Variants in FBXL17 observed in about 807,000 individuals in gnomAD.
FBXL17 encodes the protein F-box/LRR-repeat protein 17.
A neutral mutation model predicts 66.2 loss-of-function variants in FBXL17; 22 were observed. That is an observed-to-expected ratio of 0.33 (90% CI 0.24 to 0.47). FBXL17 has a LOEUF of 0.47. FBXL17 is among the 20% of genes least tolerant of loss of function. The pLI is 1.00. For synonymous variants in FBXL17, 474 were observed against 400.5 expected, an observed-to-expected ratio of 1.18 and a Z score of -2.19; for missense variants, 878 against 948.2, an observed-to-expected ratio of 0.93 and a Z score of 0.97.
At chr5:108,060,040 T>C (rs1368704336) in intron 6 of FBXL17, among the ~76,000 whole-genome samples, 1 of 150,600 alleles carries the variant, frequency 6.6e-6, no homozygotes, top group Non-Finnish European at 1.5e-5. Context: ...TATTTACATA[T>C]TCATTTACTG....
At chr5:108,197,269 T>A (rs1310274498) in intron 5 of FBXL17, among the ~76,000 whole-genome samples, 2 of 152,210 alleles carry the variant, frequency 1.3e-5, no homozygotes, top group African/African-American at 4.8e-5. Context: ...ATATTCACAC[T>A]GTTTCACTTA....
intron 5 of FBXL17, among the ~76,000 whole-genome samples, chr5:108,187,718 A>G (rs1580580802): frequency 1.3e-5 from 2 of 152,210 alleles, no homozygotes; most frequent in South Asian, 4.1e-4. Flanking sequence ...AAAAACCTGT[A>G]GGAGTGAGCA....
intron 7 of FBXL17, among the ~76,000 whole-genome samples, chr5:107,975,532 G>A (rs1463430118): frequency 2.0e-5 from 3 of 152,028 alleles, no homozygotes; most frequent in Non-Finnish European, 4.4e-5. Flanking sequence ...TAAAGATGTA[G>A]GTGAAATCTT....
At chr5:108,366,551 C>T (rs1046965296) in intron 2 of FBXL17, among the ~76,000 whole-genome samples, 6 of 151,620 alleles carry the variant, frequency 4.0e-5, no homozygotes, top group Middle Eastern at 3.4e-3. Context: ...CACCTTACTA[C>T]CAGTAGCGGG....
At chr5:108,125,019 C>A (rs542921419) in intron 6 of FBXL17, among the ~76,000 whole-genome samples, 1 of 151,966 alleles carries the variant, frequency 6.6e-6, no homozygotes, top group South Asian at 2.1e-4. Flanking sequence ...AATTATCTAA[C>A]TAGTTGTTCA....
At chr5:107,934,277 A>G (rs1277247667) in intron 7 of FBXL17, among the ~76,000 whole-genome samples, 1 of 152,180 alleles carries the variant, frequency 6.6e-6, no homozygotes, top group Non-Finnish European at 1.5e-5. Flanking sequence ...TGCACTGTGA[A>G]CTTCGAGAAC....
intron 1 of FBXL17, among the ~76,000 whole-genome samples, chr5:108,374,318 T>C (rs1749272160): frequency 6.6e-6 from 1 of 152,160 alleles, no homozygotes; most frequent in Admixed American, 6.5e-5. Flanking sequence ...TCTCAACAAA[T>C]TTGAAAATAT....
At chr5:108,265,286 G>GA (rs1008353093) in intron 4 of FBXL17, among the ~76,000 whole-genome samples, 25 of 150,192 alleles carry the variant, frequency 1.7e-4, no homozygotes, top group East Asian at 3.9e-4. Context: ...TAATCTTCAG[G>GA]AAAAAAAAAT....
intron 6 of FBXL17, among the ~76,000 whole-genome samples, chr5:108,021,384 C>A (rs563095178): frequency 7.8e-4 from 117 of 150,050 alleles, no homozygotes; most frequent in Non-Finnish European, 1.4e-3. Flanking sequence ...GTTATATGCT[C>A]ATGGTTCAAT....
At chr5:108,213,907 A>T (rs975022454) in intron 5 of FBXL17, among the ~76,000 whole-genome samples, 1 of 152,080 alleles carries the variant, frequency 6.6e-6, no homozygotes, top group Non-Finnish European at 1.5e-5. Flanking sequence ...TATATTCTAG[A>T]CATAGTTTAT....
At chr5:108,215,290 G>T (rs1028465933) in intron 5 of FBXL17, among the ~76,000 whole-genome samples, 1 of 152,184 alleles carries the variant, frequency 6.6e-6, no homozygotes, top group African/African-American at 2.4e-5. Context: ...CTGCCAATCT[G>T]TTTTCCATAG....
chr5:107,980,664 A>ATATATATATATTTTTTTTTTT, intron 7 of FBXL17, among the ~76,000 whole-genome samples: 1 of 62,104 alleles, frequency 1.6e-5, no homozygotes. Context: ...ATATATATAT[A>ATATATATATATTTTTTTTTTT]TTTTTTTTTT....
chr5:107,985,912 A>G (rs1752995063), intron 7 of FBXL17, among the ~76,000 whole-genome samples: 1 of 152,178 alleles, frequency 6.6e-6, no homozygotes, highest in Non-Finnish European at 1.5e-5. Flanking sequence ...TCTATTGGTC[A>G]CTGTTAAAGC....
intron 7 of FBXL17, among the ~76,000 whole-genome samples, chr5:107,890,709 G>A (rs1007841530): frequency 2.6e-5 from 4 of 151,688 alleles, no homozygotes; most frequent in Non-Finnish European, 5.9e-5. Context: ...TATCAGAGTA[G>A]GATGTGATTT....
At chr5:107,937,406 A>C (rs1205121067) in intron 7 of FBXL17, among the ~76,000 whole-genome samples, 2 of 152,162 alleles carry the variant, frequency 1.3e-5, no homozygotes, top group Non-Finnish European at 2.9e-5. Flanking sequence ...AGCTCTGAAT[A>C]TCATTAAAAG....
chr5:107,995,249 A>G (rs980729595), intron 7 of FBXL17, among the ~76,000 whole-genome samples: 1 of 152,238 alleles, frequency 6.6e-6, no homozygotes, highest in Non-Finnish European at 1.5e-5. Context: ...ATATTTTCAC[A>G]TTTATAAATA....
intron 3 of FBXL17, among the ~76,000 whole-genome samples, chr5:108,356,379 C>G (rs767252469): frequency 6.6e-6 from 1 of 152,146 alleles, no homozygotes; most frequent in African/African-American, 2.4e-5. Flanking sequence ...AACCTACACA[C>G]AGAAGTTTAT....
chr5:108,101,001 A>G (rs1043992528), intron 6 of FBXL17, among the ~76,000 whole-genome samples: 8 of 152,236 alleles, frequency 5.3e-5, no homozygotes, highest in African/African-American at 1.9e-4. Context: ...TTTCAGAGGG[A>G]AGACCTTTTG....
intron 4 of FBXL17, among the ~76,000 whole-genome samples, chr5:108,276,973 T>C (rs1757508065): frequency 6.6e-6 from 1 of 152,122 alleles, no homozygotes; most frequent in Non-Finnish European, 1.5e-5. Flanking sequence ...ATTTAGATTG[T>C]ACTTCAGACA....
Sources: gnomAD v4.1 joint callset for allele counts (sites outside exome capture counted in the v4.1 genomes callset) on GRCh38, gnomAD v4.1.1 for gene constraint, MANE v1.5 for transcripts, NCBI Gene and HGNC (gene_info 2026-07-23, HGNC 2026-07-21) for gene names.